The following SPON1 variants were observed in gnomAD, a reference collection of about 807,000 sequenced individuals.
SPON1 encodes the protein spondin-1.
SPON1 carries 52 observed loss-of-function variants against 111.7 expected under a neutral mutation model. The ratio of observed to expected loss-of-function variants is 0.47; its 90% CI spans 0.37 to 0.59. The LOEUF (loss-of-function observed/expected upper bound fraction) is 0.59. SPON1 is among the 20% of genes least tolerant of loss of function. SPON1 has a pLI of 0.00. For missense variants in SPON1, 957 were observed against 1,068.5 expected (o/e 0.90, Z 1.46); for synonymous variants, 410 against 395.8 (o/e 1.04, Z -0.43).
intron 7 of SPON1, among the ~76,000 whole-genome samples, chr11:14,245,930 CA>C (rs1848984292): frequency 6.6e-6 from 1 of 152,230 alleles, no homozygotes; most frequent in Non-Finnish European, 1.5e-5. Context: ...TGTGAATTCA[CA>C]AAAGCCCTTG....
chr11:14,117,147 A>G (rs1044006395), intron 5 of SPON1, among the ~76,000 whole-genome samples: 6 of 152,186 alleles, frequency 3.9e-5, no homozygotes, highest in Admixed American at 6.5e-5. Context: ...AGTTATGCCA[A>G]TAATTCCCTT....
chr11:14,055,965 T>C (rs1554919148), intron 3 of SPON1, among the ~76,000 whole-genome samples: 1 of 152,196 alleles, frequency 6.6e-6, no homozygotes, highest in African/African-American at 2.4e-5. Flanking sequence ...CTTCAAAGAT[T>C]ACCCCTGTAC....
chr11:14,142,905 A>G (rs574872301), intron 6 of SPON1, among the ~76,000 whole-genome samples: 1 of 152,300 alleles, frequency 6.6e-6, no homozygotes, highest in African/African-American at 2.4e-5. Flanking sequence ...TGAGACGACC[A>G]CTAACTCTCT....
intron 2 of SPON1, among the ~76,000 whole-genome samples, chr11:14,006,675 A>G (rs1217835164): frequency 6.6e-6 from 1 of 152,062 alleles, no homozygotes; most frequent in Non-Finnish European, 1.5e-5. Context: ...TAAGCTCATC[A>G]TCTCAGTAAC....
chr11:13,995,660 T>A (rs1330707238), intron 2 of SPON1, among the ~76,000 whole-genome samples: 1 of 152,106 alleles, frequency 6.6e-6, no homozygotes, highest in Non-Finnish European at 1.5e-5. Context: ...AGCCAAACCA[T>A]ATCATGGCCC....
At chr11:14,192,654 C>A (rs6486179) in intron 6 of SPON1, among the ~76,000 whole-genome samples, 124,783 of 151,850 alleles carry the variant, frequency 0.82, 51,261 homozygotes, top group Middle Eastern at 0.89. Context: ...CCACACATAC[C>A]CCTGACTGAA....
chr11:14,028,842 T>G (rs7124311), intron 2 of SPON1, among the ~76,000 whole-genome samples: 45,483 of 152,064 alleles, frequency 0.3, 7,881 homozygotes, highest in South Asian at 0.51. Flanking sequence ...ATCAGACCTA[T>G]GTCTGCTGGC....
At chr11:13,999,139 T>G (rs946853290) in intron 2 of SPON1, among the ~76,000 whole-genome samples, 10 of 152,212 alleles carry the variant, frequency 6.6e-5, no homozygotes, top group Non-Finnish European at 1.0e-4. Context: ...TGAAACAGTA[T>G]CCTATTGTAG....
intron 7 of SPON1, among the ~76,000 whole-genome samples, chr11:14,247,886 T>C (rs1280097273): frequency 1.3e-5 from 2 of 152,092 alleles, no homozygotes; most frequent in African/African-American, 4.8e-5. Context: ...GGGCAAGAAT[T>C]CTGCACTGAG....
intron 5 of SPON1, among the ~76,000 whole-genome samples, chr11:14,100,756 C>T (rs141521505): frequency 0.02 from 2,987 of 152,266 alleles, 97 homozygotes; most frequent in African/African-American, 0.068. Context: ...TCTTATTTCA[C>T]TATTTTCTAC....
At chr11:14,148,224 T>C (rs1181532509) in intron 6 of SPON1, among the ~76,000 whole-genome samples, 1 of 152,182 alleles carries the variant, frequency 6.6e-6, no homozygotes. Context: ...GACAAATTGT[T>C]TCATTAAAAA....
intron 6 of SPON1, among the ~76,000 whole-genome samples, chr11:14,227,771 T>C (rs782021363): frequency 1.6e-4 from 25 of 152,312 alleles, no homozygotes; most frequent in Non-Finnish European, 1.5e-4. Flanking sequence ...TTAAGTAACA[T>C]TCCCAGGGTT....
intron 6 of SPON1, among the ~76,000 whole-genome samples, chr11:14,150,985 T>C (rs1847781163): frequency 1.3e-5 from 2 of 152,240 alleles, no homozygotes; most frequent in Non-Finnish European, 2.9e-5. Context: ...TGTCTGAGGA[T>C]GGACTCATTA....
chr11:14,109,920 TG>T (rs2133848321), intron 5 of SPON1, among the ~76,000 whole-genome samples: 1 of 152,338 alleles, frequency 6.6e-6, no homozygotes, highest in East Asian at 1.9e-4. Flanking sequence ...TCTCTTCCTC[TG>T]GGATCCATCA....
intron 3 of SPON1, among the ~76,000 whole-genome samples, chr11:14,051,535 C>CA (rs111822968): frequency 0.064 from 8,290 of 130,420 alleles, 298 homozygotes; most frequent in South Asian, 0.15. Context: ...GAGCCTGTCT[C>CA]AAAAAAAAAA....
intron 2 of SPON1, among the ~76,000 whole-genome samples, chr11:14,030,028 G>A (rs1396476454): frequency 3.9e-5 from 6 of 152,190 alleles, no homozygotes; most frequent in Non-Finnish European, 7.3e-5. Flanking sequence ...ACCCCCAAGA[G>A]CACTTAAGTG....
rs117439215 is a variant in SPON1 at position 14,071,886 on chromosome 11, A to T, written c.480-3459A>T. 2.9e-4 allele frequency among the ~76,000 whole-genome samples: 44 copies of T among 152,150 alleles called. 1 individual carries two copies. The East Asian group carries it at 7.9e-3, about 27-fold the overall frequency. On this transcript the variant is annotated intron_variant, in intron 3 of 15. Transcript: ENST00000576479. Reference sequence around the variant, plus strand: ...GCTAATTTTTGTATTTTTGGTAGAGATGAGGTTTTAGCATGTTGGCCAGGC... The same window carrying T: ...GCTAATTTTTGTATTTTTGGTAGAGTTGAGGTTTTAGCATGTTGGCCAGGC...
chr11:14,006,730 C>G lies in SPON1; in HGVS notation c.345+23777C>G, dbSNP rs1848364681. ...ACTTCTTTGCCTCTTGTCCTCACAC[C>G]AATCTAGCAAAACTCCAGCCCTGAA... is the stretch of plus-strand genomic sequence containing the variant. On this transcript the variant is annotated intron_variant, in intron 2 of 15. Coordinates refer to ENST00000576479, the MANE Select transcript of SPON1 (RefSeq NM_006108.4). Among the ~76,000 whole-genome samples the G allele has an allele frequency of 2.6e-5, 4 of 152,128 alleles. No individual in the cohort carries two copies. The South Asian group carries it at 8.3e-4, about 32-fold the overall frequency.
At chr11:14,163,539 A>G (rs1554931597) in intron 6 of SPON1, among the ~76,000 whole-genome samples, 1 of 150,828 alleles carries the variant, frequency 6.6e-6, no homozygotes, top group African/African-American at 2.4e-5. Context: ...AGCCCCCCAG[A>G]TTCTCCCCCC....
Sources: allele counts gnomAD v4.1 joint callset (sites outside exome capture counted in the v4.1 genomes callset), GRCh38; gene constraint gnomAD v4.1.1; transcripts MANE v1.5; gene names NCBI Gene and HGNC (gene_info 2026-07-23, HGNC 2026-07-21).